The following EP400 variants were observed in gnomAD, a reference collection of about 807,000 sequenced individuals.
EP400 encodes the protein E1A-binding protein p400.
EP400 carries 105 observed loss-of-function variants against 354.1 expected under a neutral mutation model. That is an observed-to-expected ratio of 0.30 (90% CI 0.25 to 0.35). The LOEUF is 0.35. Ranked by LOEUF, EP400 falls within the 10% of genes least tolerant of loss-of-function variation. The pLI is 1.00. For synonymous variants in EP400, 1,646 were observed against 1,716.9 expected (o/e 0.96, Z 1.02); for missense variants, 3,280 against 4,121.0 (o/e 0.80, Z 5.59).
chr12:132,027,637 T>A lies in EP400; in HGVS notation c.5109+106T>A. 2 of 873,066 alleles carry A rather than the reference T, an allele frequency of 2.3e-6. No homozygotes were observed. Among genetic ancestry groups the A allele is most frequent in the Non-Finnish European group, 3.5e-6 (2 of 576,820 alleles). 54.1% of individuals were successfully genotyped at this position (873,066 alleles called of 1,614,324 possible). A position where few individuals can be genotyped will look rare whatever the true frequency, so the allele number is the denominator to read the frequency against. On this transcript the variant is annotated intron_variant, in intron 26 of 52. Coordinates refer to ENST00000389561, the MANE Select transcript of EP400 (RefSeq NM_015409.5). This position sits in a 1 kb window ranked among gnomAD's most constrained non-coding sequence, Gnocchi z 4.9. ...TTAAAGGCTCCTGTGAATTCTCAAG[T>A]GATGTTACTGAATTCTTATTTTAAA...
chr12:132,055,897 G>A (rs1895493948), intron 45 of EP400, among the ~76,000 whole-genome samples: 2 of 151,930 alleles, frequency 1.3e-5, no homozygotes, highest in African/African-American at 2.4e-5. Context: ...GGGAAGCTAA[G>A]AGATGACAGC....
chr12:132,067,175 C>G lies in EP400; in HGVS notation c.8750-187C>G. Reference sequence around the variant, plus strand: ...TGAACTGTTAACATTCTGAAATTTCCGTCTTAATTTAAGTGTAATTTGTGA... The same window carrying G: ...TGAACTGTTAACATTCTGAAATTTCGGTCTTAATTTAAGTGTAATTTGTGA... On this transcript the variant is annotated intron_variant, in intron 49 of 52. Transcript: ENST00000389561. The surrounding 1 kb of genome is among the most constrained non-coding windows in gnomAD (Gnocchi z 5.3). 8.6e-7 allele frequency: 1 copy of G among 1,164,268 alleles called. No homozygotes were observed. Among genetic ancestry groups the G allele is most frequent in the Non-Finnish European group, 1.2e-6 (1 of 836,456 alleles). The allele number at this position is 1,164,268 out of a possible 1,614,324, so 72.1% of individuals were successfully genotyped here.
chr12:132,021,368 A>T, intron 23 of EP400, 47 bp downstream of exon 23: 1 of 1,463,540 alleles, frequency 6.8e-7, no homozygotes, highest in Non-Finnish European at 9.0e-7. Flanking sequence ...TCTACCCCAG[A>T]GGAGTTGTGT....
intron 12 of EP400, among the ~76,000 whole-genome samples, chr12:131,999,278 C>T (rs545221187): frequency 3.9e-5 from 6 of 152,160 alleles, no homozygotes; most frequent in Admixed American, 2.0e-4. Context: ...CTTGGCCTGA[C>T]GTGTCCTACG....
At chr12:132,032,635 T>C (rs982746231) in intron 30 of EP400, among the ~76,000 whole-genome samples, 8 of 151,584 alleles carry the variant, frequency 5.3e-5, no homozygotes, top group Non-Finnish European at 1.2e-4. Flanking sequence ...TTTTTTTTTT[T>C]TTTTCTTTTT....
intron 2 of EP400, among the ~76,000 whole-genome samples, chr12:131,969,725 G>A (rs1892225940): frequency 6.6e-6 from 1 of 152,154 alleles, no homozygotes; most frequent in Non-Finnish European, 1.5e-5. Flanking sequence ...CTGCTATTTA[G>A]ATACTCATTG....
intron 12 of EP400, among the ~76,000 whole-genome samples, chr12:132,001,878 CA>C (rs1282519324): frequency 6.6e-6 from 1 of 152,174 alleles, no homozygotes; most frequent in Non-Finnish European, 1.5e-5. Flanking sequence ...GTAATTGCTA[CA>C]AACTAGTGAT....
Position 132,027,292 on chromosome 12 carries a change from G to T in EP400, c.5015-145G>T, listed in dbSNP as rs1028776342. 3.9e-6 allele frequency: 3 copies of T among 762,586 alleles called. No homozygotes were observed. Among genetic ancestry groups the T allele is most frequent in the Non-Finnish European group, 2.3e-6 (1 of 443,570 alleles). The allele number at this position is 762,586 out of a possible 1,614,324, so 47.2% of individuals were successfully genotyped here. On this transcript the variant is annotated intron_variant, in intron 25 of 52. Transcript: ENST00000389561. This position sits in a 1 kb window ranked among gnomAD's most constrained non-coding sequence, Gnocchi z 4.9. ...ACATTCCAGGCATGTGCTGGTGGAG[G>T]ATGAGGACTTGGGGACATGCCGTTG...
intron 51 of EP400, among the ~76,000 whole-genome samples, chr12:132,069,904 C>G (rs548775555): frequency 6.6e-6 from 1 of 152,284 alleles, no homozygotes; most frequent in South Asian, 2.1e-4. Flanking sequence ...TACAGCTGCC[C>G]TCTCCCAGTT....
chr12:131,966,762 G>A (rs915423112), intron 2 of EP400, among the ~76,000 whole-genome samples: 2 of 151,390 alleles, frequency 1.3e-5, no homozygotes, highest in African/African-American at 2.4e-5. Context: ...CAATTAGCCG[G>A]GCATGGTGGC....
In EP400 at chr12:132,052,742, G is replaced by A. The variant is rs1593375973; in HGVS notation, c.7395-404G>A. Among the ~76,000 whole-genome samples the A allele has an allele frequency of 1.3e-5, 2 of 152,298 alleles. No homozygotes were observed. The highest frequency in any genetic ancestry group is 4.1e-4 in the South Asian group (2 of 4,828). ...GGCGTGGAGCCTGGGCATTCTCGGG[G>A]GAGCGAGAGAGGCACAGTCCCGCCC... On this transcript the variant is annotated intron_variant, in intron 41 of 52. Coordinates refer to ENST00000389561, the MANE Select transcript of EP400 (RefSeq NM_015409.5). The surrounding 1 kb of genome is among the most constrained non-coding windows in gnomAD (Gnocchi z 4.4).
intron 32 of EP400, among the ~76,000 whole-genome samples, chr12:132,040,649 A>G (rs917559004): frequency 6.6e-6 from 1 of 152,356 alleles, no homozygotes; most frequent in East Asian, 1.9e-4. Context: ...CTTTTATTCT[A>G]GTAAGGAGAG....
chr12:131,979,608 A>ATCC, intron 2 of EP400, 86 bp from the exon 3 acceptor site: 1 of 1,198,282 alleles, frequency 8.3e-7, no homozygotes, highest in Non-Finnish European at 1.2e-6. Flanking sequence ...AAGGAGGTCG[A>ATCC]TGTTTGGGAT....
intron 2 of EP400, among the ~76,000 whole-genome samples, chr12:131,972,681 G>T: frequency 6.9e-6 from 1 of 144,832 alleles, no homozygotes; most frequent in South Asian, 2.2e-4. Flanking sequence ...TTTCCTGTTA[G>T]AGAAAATGAA....
At chr12:132,069,738 G>A (rs542994961) in intron 51 of EP400, 97 bp downstream of exon 51, 23 of 1,537,482 alleles carry the variant, frequency 1.5e-5, no homozygotes, top group African/African-American at 5.4e-5. Context: ...CAGCCCTTGC[G>A]GCTGCACTGG....
intron 1 of EP400, among the ~76,000 whole-genome samples, chr12:131,950,790 G>A (rs549183941): frequency 6.6e-6 from 1 of 152,256 alleles, no homozygotes; most frequent in Non-Finnish European, 1.5e-5. Context: ...GTCTCGCTCT[G>A]TTGCCCAGGT....
intron 45 of EP400, among the ~76,000 whole-genome samples, chr12:132,060,922 AAAAAAAAC>A (rs1382274081): frequency 2.4e-4 from 37 of 152,098 alleles, no homozygotes; most frequent in South Asian, 1.9e-3. Context: ...CTCAAAAAAA[AAAAAAAAC>A]AAAAAACAAA....
In EP400 at chr12:132,062,158, C is replaced by A; in HGVS notation, c.7933C>A (p.Pro2645Thr). The A allele has an allele frequency of 6.2e-7, 1 of 1,613,990 alleles. No individual in the cohort carries two copies. Among genetic ancestry groups the A allele is most frequent in the East Asian group, 2.2e-5 (1 of 44,868 alleles). The change falls in exon 46 of 53, where the codon CCA becomes ACA. Residue 2645 changes from proline to threonine, a missense_variant. Coordinates refer to ENST00000389561, the MANE Select transcript of EP400 (RefSeq NM_015409.5). The stretch of plus-strand genomic sequence containing the variant: ...CCAGGTGGTGCACACCCAGCCCCCG[C>A]CACGGGCAGTCGGCTCCCCAGCCAC... Reference protein sequence around the residue: ...PAQVVHTQPPPRAVGSPATAT... With the variant: ...PAQVVHTQPPTRAVGSPATAT...
intron 2 of EP400, among the ~76,000 whole-genome samples, chr12:131,972,263 C>T (rs1372877639): frequency 6.6e-6 from 1 of 151,966 alleles, no homozygotes; most frequent in African/African-American, 2.4e-5. Flanking sequence ...CGCCATTCTC[C>T]TGCCTCAGCC....
Sources: gnomAD v4.1 joint callset for allele counts (sites outside exome capture counted in the v4.1 genomes callset) on GRCh38, gnomAD v4.1.1 for gene constraint, Gnocchi (gnomAD v3.1) non-coding constraint, MANE v1.5 for transcripts, NCBI Gene and HGNC (gene_info 2026-07-23, HGNC 2026-07-21) for gene names.